Variants in SNX16 observed in about 807,000 individuals in gnomAD.
The protein encoded by SNX16 is sorting nexin 16.
Under a neutral mutation model 36.7 loss-of-function variants are expected in SNX16, and 35 were observed. The observed-to-expected ratio is 0.95, with a 90% CI of 0.73 to 1.27. SNX16 has a LOEUF of 1.27. Among genes scored for constraint, SNX16 ranks in the 50% most tolerant of loss-of-function variants. SNX16 has a pLI of 0.00. For synonymous variants in SNX16, 134 were observed against 132.0 expected (o/e 1.02, Z -0.10); for missense variants, 367 against 393.6 (o/e 0.93, Z 0.57).
rs1809657289 is a variant in SNX16, at chr8:81,800,887, T to G, written c.*610A>C. On this transcript the variant is annotated 3_prime_UTR_variant, in exon 8 of 8. Transcript: ENST00000345957. Reference sequence around the variant, plus strand: ...TTTAAAATCAAGGCTATCTTATCACTTTAGCTATATGATTACAGCTCTTTC... The same window carrying G: ...TTTAAAATCAAGGCTATCTTATCACGTTAGCTATATGATTACAGCTCTTTC... 6.6e-6 allele frequency: 1 copy of G among 152,230 alleles called. No homozygotes were observed. The highest frequency in any genetic ancestry group is 6.6e-5 in the Admixed American group (1 of 15,258). The allele number at this position is 152,230 out of a possible 1,614,324, so 9.4% of individuals were successfully genotyped here. A position where few individuals can be genotyped will look rare whatever the true frequency, so the allele number is the denominator to read the frequency against.
intron 2 of SNX16, among the ~76,000 whole-genome samples, chr8:81,836,742 C>T (rs994033113): frequency 6.6e-5 from 10 of 152,254 alleles, no homozygotes; most frequent in Non-Finnish European, 1.0e-4. Context: ...CCTGCTTTGA[C>T]TGTCCCCCAT....
At chr8:81,801,904 A>G (rs940044174) in intron 7 of SNX16, among the ~76,000 whole-genome samples, 6 of 151,710 alleles carry the variant, frequency 4.0e-5, no homozygotes, top group Non-Finnish European at 8.9e-5. Context: ...GTTGACCATT[A>G]CCACTAAACT....
At position 81,833,229 on chromosome 8, in the gene SNX16, T is replaced by C. The variant is rs180831429; in HGVS notation, c.376-3713A>G. 2.9e-3 allele frequency among the ~76,000 whole-genome samples: 444 copies of C among 152,120 alleles called. 2 individuals carry two copies. Among genetic ancestry groups the C allele is most frequent in the African/African-American group, 0.01 (429 of 41,506 alleles). On this transcript the variant is annotated intron_variant, in intron 2 of 7. Transcript: ENST00000345957. ...TAAAATTACAGATGTGATTCACAAT[T>C]ACTGCTCACATTATACTTCTATTGG...
At chr8:81,819,553 T>G (rs747493204) in intron 4 of SNX16, among the ~76,000 whole-genome samples, 12 of 152,196 alleles carry the variant, frequency 7.9e-5, no homozygotes, top group Non-Finnish European at 1.8e-4. Context: ...AAGTTCTCTT[T>G]TCCACCTTTA....
At chr8:81,834,244 C>T (rs1811395697) in intron 2 of SNX16, among the ~76,000 whole-genome samples, 1 of 152,212 alleles carries the variant, frequency 6.6e-6, no homozygotes, top group African/African-American at 2.4e-5. Context: ...GACTTACCCA[C>T]TATCACAAGA....
chr8:81,832,595 CA>C (rs1372022874), intron 2 of SNX16, among the ~76,000 whole-genome samples: 10 of 151,600 alleles, frequency 6.6e-5, no homozygotes, highest in Non-Finnish European at 1.5e-4. Context: ...CTTGAAATAC[CA>C]AAAAACCCCA....
intron 5 of SNX16, among the ~76,000 whole-genome samples, chr8:81,803,695 C>T (rs1020688200): frequency 3.3e-5 from 5 of 151,894 alleles, no homozygotes; most frequent in African/African-American, 1.2e-4. Context: ...ACTTGGGTTG[C>T]AGTACCAGGA....
At chr8:81,808,393 G>A (rs1298640005) in intron 5 of SNX16, 2 of 1,255,498 alleles carry the variant, frequency 1.6e-6, no homozygotes, top group African/African-American at 1.5e-5. Flanking sequence ...GGTTGTGGAG[G>A]TGTTTTCGGT....
At chr8:81,815,268 G>C in intron 5 of SNX16, 57 bp downstream of exon 5, 1 of 1,295,062 alleles carries the variant, frequency 7.7e-7, no homozygotes, top group Non-Finnish European at 1.1e-6. Flanking sequence ...AAACAATGTA[G>C]TTATTGTACT....
chr8:81,833,013 T>C (rs1811336091), intron 2 of SNX16, among the ~76,000 whole-genome samples: 1 of 151,902 alleles, frequency 6.6e-6, no homozygotes, highest in South Asian at 2.1e-4. Context: ...GAGATGTGCG[T>C]AGTGTGCAAC....
chr8:81,803,106 T>C lies in SNX16; in HGVS notation c.804A>G (p.Leu268=), dbSNP rs1809778391. Residue 268 remains leucine, a synonymous_variant, in exon 6 of 8, where the codon TTA becomes TTG. Coordinates refer to ENST00000345957, the MANE Select transcript of SNX16 (RefSeq NM_152836.3). The stretch of plus-strand genomic sequence containing the variant: ...TCACAACACACCTGATTCTGTTCTC[T>C]AAAGTGTCTATATGAAGTTGCTTCT... The part of the protein sequence containing the change: ...LSEKQLHIDT[L]ENRIRTLSLE... 1 of 1,608,422 alleles carries C rather than the reference T, an allele frequency of 6.2e-7. No homozygotes were observed. Among genetic ancestry groups the C allele is most frequent in the South Asian group, 1.1e-5 (1 of 89,838 alleles).
intron 4 of SNX16, among the ~76,000 whole-genome samples, chr8:81,817,010 C>T (rs1386555309): frequency 1.3e-5 from 2 of 152,180 alleles, no homozygotes; most frequent in Non-Finnish European, 2.9e-5. Flanking sequence ...TATTATGCTT[C>T]TATCCACCCA....
chr8:81,818,112 CTT>C (rs1810573473), intron 4 of SNX16, among the ~76,000 whole-genome samples: 1 of 152,032 alleles, frequency 6.6e-6, no homozygotes, highest in South Asian at 2.1e-4. Flanking sequence ...AAACTATGCT[CTT>C]AAGAACAACA....
At chr8:81,808,591 G>C in intron 5 of SNX16, 3 of 963,942 alleles carry the variant, frequency 3.1e-6, no homozygotes, top group South Asian at 2.6e-5. Flanking sequence ...TCAAATTTTG[G>C]ACCCATGAAG....
chr8:81,822,044 T>C (rs1810770204), intron 4 of SNX16, among the ~76,000 whole-genome samples: 1 of 152,072 alleles, frequency 6.6e-6, no homozygotes, highest in Non-Finnish European at 1.5e-5. Flanking sequence ...CATCTTAGAA[T>C]ATAGGAAATA....
intron 2 of SNX16, among the ~76,000 whole-genome samples, chr8:81,834,252 AG>A (rs1266238547): frequency 6.6e-6 from 1 of 152,216 alleles, no homozygotes; most frequent in African/African-American, 2.4e-5. Flanking sequence ...CACTATCACA[AG>A]AACAGCATGG....
At chr8:81,813,252 A>G (rs771355011) in intron 5 of SNX16, among the ~76,000 whole-genome samples, 1 of 152,044 alleles carries the variant, frequency 6.6e-6, no homozygotes, top group African/African-American at 2.4e-5. Flanking sequence ...AGACAGTATC[A>G]TACTGGCACA....
Position 81,820,183 on chromosome 8 carries a change from A to G in SNX16, c.611+3609T>C, listed in dbSNP as rs146450863. Among the ~76,000 whole-genome samples the G allele has an allele frequency of 2.4e-3, 370 of 152,206 alleles. 4 individuals are homozygous for G. The highest frequency in any genetic ancestry group is 8.2e-3 in the African/African-American group (342 of 41,564). On this transcript the variant is annotated intron_variant, in intron 4 of 7. Coordinates refer to ENST00000345957, the MANE Select transcript of SNX16 (RefSeq NM_152836.3). ...CTTACAAGCAGTTTTATGTTTTCAT[A>G]AAGAAATGTTGAGATTTTGTCTTTT...
At chr8:81,817,662 C>CA (rs1810554172) in intron 4 of SNX16, among the ~76,000 whole-genome samples, 1 of 152,124 alleles carries the variant, frequency 6.6e-6, no homozygotes, top group African/African-American at 2.4e-5. Context: ...AAGACTCAGT[C>CA]AGTAAAGAAA....
Sources: gnomAD v4.1 joint callset for allele counts (sites outside exome capture counted in the v4.1 genomes callset) on GRCh38, gnomAD v4.1.1 for gene constraint, MANE v1.5 for transcripts, NCBI Gene and HGNC (gene_info 2026-07-23, HGNC 2026-07-21) for gene names.